Variants in TASP1 observed in about 807,000 individuals in gnomAD.
The protein encoded by TASP1 is threonine aspartase 1.
TASP1 carries 16 observed loss-of-function variants against 56.6 expected under a neutral mutation model. The observed-to-expected ratio is 0.28, with a 90% CI of 0.19 to 0.43. The LOEUF (loss-of-function observed/expected upper bound fraction) is 0.43. TASP1 is among the 20% of genes least tolerant of loss of function. TASP1 has a pLI of 1.00. For synonymous variants in TASP1, 179 were observed against 184.2 expected (o/e 0.97, Z 0.23); for missense variants, 393 against 511.6 (o/e 0.77, Z 2.24).
chr20:13,590,233 C>CA (rs2147276493), intron 4 of TASP1, among the ~76,000 whole-genome samples: 1 of 151,282 alleles, frequency 6.6e-6, no homozygotes, highest in South Asian at 2.1e-4. Context: ...GACTCTGTCT[C>CA]AAAAAAAGAA....
intron 12 of TASP1, among the ~76,000 whole-genome samples, chr20:13,429,000 T>C (rs2042710313): frequency 6.6e-6 from 1 of 152,242 alleles, no homozygotes; most frequent in Admixed American, 6.5e-5. Context: ...TCTGGTGGTA[T>C]GATTCTTAGA....
intron 10 of TASP1, among the ~76,000 whole-genome samples, chr20:13,504,522 G>A (rs1196954149): frequency 6.6e-6 from 1 of 152,116 alleles, no homozygotes. Context: ...AACATATCAA[G>A]GTATAAAACT....
intron 11 of TASP1, among the ~76,000 whole-genome samples, chr20:13,452,023 C>A (rs865996394): frequency 2.6e-5 from 4 of 152,032 alleles, no homozygotes; most frequent in Non-Finnish European, 1.5e-5. Context: ...GTGGAGGAAT[C>A]AGAGCATACA....
At chr20:13,170,065 T>A in the TASP1 span, among the ~76,000 whole-genome samples, 1 of 152,206 alleles carries the variant, frequency 6.6e-6, no homozygotes, top group African/African-American at 2.4e-5. Flanking sequence ...CTAAAGTCAA[T>A]ACGTGGTGTC....
intron 8 of TASP1, among the ~76,000 whole-genome samples, chr20:13,555,389 A>AAT (rs1406379162): frequency 1.3e-5 from 2 of 151,280 alleles, no homozygotes; most frequent in African/African-American, 4.8e-5. Context: ...CTCTAAAAAA[A>AAT]AAAAAAAAAA....
intron 9 of TASP1, 47 bp downstream of exon 9, chr20:13,533,975 C>T: frequency 2.6e-6 from 4 of 1,556,976 alleles, no homozygotes; most frequent in Non-Finnish European, 3.5e-6. Context: ...CTAAAAATTC[C>T]ATGCTTTACT....
At chr20:13,413,483 G>T (rs1034563222) in intron 13 of TASP1, among the ~76,000 whole-genome samples, 1 of 152,002 alleles carries the variant, frequency 6.6e-6, no homozygotes, top group Non-Finnish European at 1.5e-5. Context: ...GGAAAACAAG[G>T]AACTATCATA....
intron 10 of TASP1, among the ~76,000 whole-genome samples, chr20:13,492,806 C>A (rs1453759399): frequency 2.6e-5 from 4 of 152,078 alleles, no homozygotes; most frequent in African/African-American, 7.2e-5. Flanking sequence ...AAAAGAAAAA[C>A]CAATTTTATA....
intron 10 of TASP1, among the ~76,000 whole-genome samples, chr20:13,503,742 T>A (rs894686221): frequency 1.3e-5 from 2 of 151,522 alleles, no homozygotes; most frequent in Non-Finnish European, 2.9e-5. Context: ...ATGAACAAAA[T>A]AAGAAATTTA....
At chr20:13,473,110 G>A (rs1434209732) in intron 11 of TASP1, among the ~76,000 whole-genome samples, 1 of 152,078 alleles carries the variant, frequency 6.6e-6, no homozygotes, top group African/African-American at 2.4e-5. Flanking sequence ...ATGATAGACT[G>A]GATTAAGAAA....
chr20:13,273,598 T>C, the TASP1 span, among the ~76,000 whole-genome samples: 1 of 152,178 alleles, frequency 6.6e-6, no homozygotes, highest in Admixed American at 6.5e-5. Flanking sequence ...TGAAAGGCAG[T>C]TGGGACTCCC....
intron 7 of TASP1, among the ~76,000 whole-genome samples, chr20:13,561,498 G>A (rs958130248): frequency 1.4e-4 from 21 of 151,874 alleles, no homozygotes; most frequent in Middle Eastern, 3.2e-3. Context: ...CCCAAGTAGC[G>A]GGGATTACAG....
At chr20:13,221,630 C>A in the TASP1 span, 1 of 548,938 alleles carries the variant, frequency 1.8e-6, no homozygotes, top group Non-Finnish European at 2.5e-6. Context: ...CAGCGCCAGC[C>A]CCGCGGGCCC....
chr20:13,218,304 G>A, the TASP1 span, among the ~76,000 whole-genome samples: 1 of 151,778 alleles, frequency 6.6e-6, no homozygotes, highest in Non-Finnish European at 1.5e-5. Context: ...GAGAGAGTGT[G>A]TGCAGATAAT....
At chr20:13,475,277 T>G (rs2044681622) in intron 11 of TASP1, among the ~76,000 whole-genome samples, 1 of 152,228 alleles carries the variant, frequency 6.6e-6, no homozygotes, top group African/African-American at 2.4e-5. Context: ...ATTTTCTAAC[T>G]TAAGTATCAT....
At chr20:13,344,872 T>C in the TASP1 span, among the ~76,000 whole-genome samples, 7 of 152,174 alleles carry the variant, frequency 4.6e-5, no homozygotes, top group Non-Finnish European at 8.8e-5. Flanking sequence ...GCCCAGAAAT[T>C]GGTCCCAGTG....
At chr20:13,227,958 C>T in the TASP1 span, among the ~76,000 whole-genome samples, 4 of 138,436 alleles carry the variant, frequency 2.9e-5, no homozygotes, top group Admixed American at 2.8e-4. Flanking sequence ...GCTGCTGCTG[C>T]CTTTTTTTTT....
the TASP1 span, among the ~76,000 whole-genome samples, chr20:13,225,126 T>C: frequency 1.3e-5 from 2 of 152,078 alleles, no homozygotes; most frequent in Admixed American, 6.5e-5. Flanking sequence ...GTGCTGGGAT[T>C]ACAGGCGTGA....
At chr20:13,232,918 C>T in the TASP1 span, among the ~76,000 whole-genome samples, 3 of 151,988 alleles carry the variant, frequency 2.0e-5, no homozygotes, top group African/African-American at 4.8e-5. Context: ...TTCAGAATGC[C>T]CAAAGTAGTC....
Sources: allele counts gnomAD v4.1 joint callset (sites outside exome capture counted in the v4.1 genomes callset), GRCh38; gene constraint gnomAD v4.1.1; transcripts MANE v1.5; gene names NCBI Gene and HGNC (gene_info 2026-07-23, HGNC 2026-07-21).